Variants in SCAMP1 observed in about 807,000 individuals in gnomAD.
SCAMP1 encodes secretory carrier-associated membrane protein 1.
In SCAMP1, 15 loss-of-function variants were observed where a neutral mutation model predicts 41.8. The ratio of observed to expected loss-of-function variants is 0.36; its 90% CI spans 0.24 to 0.55. The LOEUF is 0.55. SCAMP1 is among the 20% of genes least tolerant of loss of function. SCAMP1 has a pLI of 0.86. For synonymous variants in SCAMP1, 135 were observed against 136.8 expected (o/e 0.99, Z 0.09); for missense variants, 341 against 412.6 (o/e 0.83, Z 1.50).
At position 78,476,308 on chromosome 5, in the gene SCAMP1, G is replaced by T. The variant is rs1225834866; in HGVS notation, c.*640G>T. 6.6e-6 allele frequency: 1 copy of T among 152,058 alleles called. No individual in the cohort carries two copies. The highest frequency in any genetic ancestry group is 6.6e-5 in the Admixed American group (1 of 15,264). 9.4% of individuals were successfully genotyped at this position (152,058 alleles called of 1,614,324 possible). A position where few individuals can be genotyped will look rare whatever the true frequency, so the allele number is the denominator to read the frequency against. On this transcript the variant is annotated 3_prime_UTR_variant, in exon 9 of 9. Coordinates refer to ENST00000621999, the MANE Select transcript of SCAMP1 (RefSeq NM_004866.6). ...TAAAAGAATTAGTGTTTTGGCTTCT[G>T]TACTGCTTATGGTTGTAGGATTCAG...
At chr5:78,372,159 C>T (rs1580643303) in intron 1 of SCAMP1, among the ~76,000 whole-genome samples, 1 of 152,134 alleles carries the variant, frequency 6.6e-6, no homozygotes, top group Admixed American at 6.5e-5. Flanking sequence ...TACATGCTAA[C>T]GGCAGCCATT....
chr5:78,384,171 G>GTTTTTTTTTTTTTTTTTTTT lies in SCAMP1; in HGVS notation c.58-4658_58-4657insTTTTTTTTTTTTTTTTTTTT, dbSNP rs772536603. ...CCTCTTTGGTTAGGTATATTCCCAAGTTTTTTTTCTTTTTTTTTTTTTGCA... is the reference window on the plus strand; with the variant it reads ...CCTCTTTGGTTAGGTATATTCCCAAGTTTTTTTTTTTTTTTTTTTTTTTTTTTTCTTTTTTTTTTTTTGCA... On this transcript the variant is annotated intron_variant, in intron 1 of 8. Transcript: ENST00000621999. Among the ~76,000 whole-genome samples the GTTTTTTTTTTTTTTTTTTTT allele has an allele frequency of 2.9e-5, 2 of 68,852 alleles. 1 individual carries two copies. The highest frequency in any genetic ancestry group is 1.0e-4 in the African/African-American group (2 of 19,894). 45.2% of individuals were successfully genotyped at this position (68,852 alleles called of 152,430 possible).
chr5:78,415,068 C>G (rs986043729), intron 2 of SCAMP1, among the ~76,000 whole-genome samples: 1 of 151,968 alleles, frequency 6.6e-6, no homozygotes, highest in African/African-American at 2.4e-5. Context: ...ATTCTCCTGC[C>G]TCAGCCTCCC....
rs539843767 is a variant in SCAMP1 at position 78,415,249 on chromosome 5, G to A, written c.136-271G>A. Among the ~76,000 whole-genome samples the A allele has an allele frequency of 2.6e-5, 4 of 152,216 alleles. No homozygotes were observed. The East Asian group carries it at 7.7e-4, about 29-fold the overall frequency. ...ATTACAGGCATGAGCCACCATGCCT[G>A]GCCTCTATTAACATACGGTATCCTG... On this transcript the variant is annotated intron_variant, in intron 2 of 8. Coordinates refer to ENST00000621999, the MANE Select transcript of SCAMP1 (RefSeq NM_004866.6).
rs564532405 is a variant in SCAMP1 at position 78,427,575 on chromosome 5, CTT to C, written c.632+5623_632+5624del. Among the ~76,000 whole-genome samples the C allele has an allele frequency of 3.4e-3, 520 of 151,668 alleles. 6 individuals are homozygous for C. Among genetic ancestry groups the C allele is most frequent in the African/African-American group, 0.012 (503 of 41,382 alleles). On this transcript the variant is annotated intron_variant, in intron 6 of 8. Coordinates refer to ENST00000621999, the MANE Select transcript of SCAMP1 (RefSeq NM_004866.6). ...TAGGAGTAGCCTTACTGGGATGAAA[CTT>C]TTTTTTTAAAACGTGTCTAAATTTT...
intron 1 of SCAMP1, among the ~76,000 whole-genome samples, chr5:78,361,634 ACT>A (rs993118610): frequency 6.6e-6 from 1 of 151,966 alleles, no homozygotes; most frequent in African/African-American, 2.4e-5. Flanking sequence ...CATCTAAATA[ACT>A]CTCTCTTTGA....
At chr5:78,443,653 CTTTTTTTTTTTT>C (rs71613955) in intron 6 of SCAMP1, among the ~76,000 whole-genome samples, 3 of 71,966 alleles carry the variant, frequency 4.2e-5, no homozygotes, top group East Asian at 1.0e-3. Context: ...AGTGGTTTTG[CTTTTTTTTTTTT>C]TTTTTTTTTT....
In SCAMP1 at chr5:78,479,000, A is replaced by G. The variant is rs751506748; in HGVS notation, c.*3332A>G. ...GTTTCTGTAAATCATTTGTAATAGC[A>G]TAGTGCTTTTTACTCATTGCTGTAT... On this transcript the variant is annotated 3_prime_UTR_variant, in exon 9 of 9. Transcript: ENST00000621999. The G allele has an allele frequency of 1.3e-5, 2 of 152,182 alleles. No homozygotes were observed. The highest frequency in any genetic ancestry group is 2.4e-5 in the African/African-American group (1 of 41,458). The allele number at this position is 152,182 out of a possible 1,614,324, so 9.4% of individuals were successfully genotyped here.
At chr5:78,425,453 A>T (rs1463148146) in intron 6 of SCAMP1, among the ~76,000 whole-genome samples, 2 of 152,152 alleles carry the variant, frequency 1.3e-5, no homozygotes, top group Non-Finnish European at 2.9e-5. Context: ...TTAGTTTTTC[A>T]TATATATTTG....
intron 8 of SCAMP1, among the ~76,000 whole-genome samples, chr5:78,464,049 C>T (rs1373860593): frequency 1.3e-5 from 2 of 152,196 alleles, no homozygotes; most frequent in Non-Finnish European, 2.9e-5. Flanking sequence ...GCGATCTTGG[C>T]TCACTGCAGC....
chr5:78,404,237 T>C (rs758900438), intron 2 of SCAMP1, among the ~76,000 whole-genome samples: 1 of 152,028 alleles, frequency 6.6e-6, no homozygotes, highest in Non-Finnish European at 1.5e-5. Flanking sequence ...CTTACATATA[T>C]TTAAAAATAT....
intron 6 of SCAMP1, 29 bp from the exon 7 acceptor site, chr5:78,449,904 T>G: frequency 6.8e-6 from 9 of 1,314,702 alleles, no homozygotes; most frequent in Non-Finnish European, 8.4e-6. Context: ...TAACCCCCTT[T>G]TTTCTTTCTT....
chr5:78,452,409 A>G (rs553219649), intron 7 of SCAMP1, among the ~76,000 whole-genome samples: 20 of 133,012 alleles, frequency 1.5e-4, no homozygotes, highest in South Asian at 2.7e-4. Flanking sequence ...TCATTGTTCA[A>G]TTCCCACCTA....
At chr5:78,375,921 A>C (rs1477972165) in intron 1 of SCAMP1, among the ~76,000 whole-genome samples, 1 of 152,204 alleles carries the variant, frequency 6.6e-6, no homozygotes, top group Non-Finnish European at 1.5e-5. Context: ...GCCATATTAG[A>C]AAAAAAGGAA....
At position 78,398,591 on chromosome 5, in the gene SCAMP1, G is replaced by A. The variant is rs1378955618; in HGVS notation, c.135+9677G>A. ...TTTTGAGACAGAGTCTTGCTCTGTC[G>A]CCCAGGCTGGAGTGCGATCTTGGCT... On this transcript the variant is annotated intron_variant, in intron 2 of 8. Coordinates refer to ENST00000621999, the MANE Select transcript of SCAMP1 (RefSeq NM_004866.6). Among the ~76,000 whole-genome samples the A allele has an allele frequency of 2.7e-4, 31 of 115,780 alleles. No individual in the cohort carries two copies. The Admixed American group carries it at 2.7e-3, about 10-fold the overall frequency. The allele number at this position is 115,780 out of a possible 152,430, so 76.0% of individuals were successfully genotyped here.
At chr5:78,427,825 G>A (rs1752504335) in intron 6 of SCAMP1, among the ~76,000 whole-genome samples, 1 of 152,028 alleles carries the variant, frequency 6.6e-6, no homozygotes, top group Admixed American at 6.6e-5. Context: ...TTAGACGTGT[G>A]TCTTTTTTGG....
At chr5:78,415,814 T>G (rs1752195966) in intron 3 of SCAMP1, among the ~76,000 whole-genome samples, 196 bp downstream of exon 3, 1 of 152,234 alleles carries the variant, frequency 6.6e-6, no homozygotes, top group African/African-American at 2.4e-5. Context: ...ATTTGCTTTA[T>G]TCCATTATTA....
intron 6 of SCAMP1, among the ~76,000 whole-genome samples, chr5:78,423,156 G>C (rs1249148137): frequency 6.6e-6 from 1 of 152,068 alleles, no homozygotes; most frequent in Non-Finnish European, 1.5e-5. Flanking sequence ...AGACAATGAA[G>C]AAGTAAATTA....
Position 78,412,251 on chromosome 5 carries a change from T to G in SCAMP1, c.136-3269T>G, listed in dbSNP as rs149047305. 3.7e-3 allele frequency among the ~76,000 whole-genome samples: 565 copies of G among 152,240 alleles called. 5 individuals carry two copies. Among genetic ancestry groups the G allele is most frequent in the African/African-American group, 0.012 (515 of 41,580 alleles). The stretch of plus-strand genomic sequence containing the variant: ...TTTATGTGGTCAAATATATTACCTT[T>G]TCATTATGATTTCTTTCCCCTCATC... On this transcript the variant is annotated intron_variant, in intron 2 of 8. Coordinates refer to ENST00000621999, the MANE Select transcript of SCAMP1 (RefSeq NM_004866.6).
Sources: allele counts gnomAD v4.1 joint callset (sites outside exome capture counted in the v4.1 genomes callset), GRCh38; gene constraint gnomAD v4.1.1; transcripts MANE v1.5; gene names NCBI Gene and HGNC (gene_info 2026-07-23, HGNC 2026-07-21).